RIMBP2: variants seen among roughly 807,000 people sequenced by gnomAD.
RIMBP2 encodes the protein RIMS binding protein 2.
A neutral mutation model predicts 118.6 loss-of-function variants in RIMBP2; 48 were observed. That is an observed-to-expected ratio of 0.40 (90% confidence interval 0.32 to 0.51). The LOEUF (loss-of-function observed/expected upper bound fraction) is 0.51. Among genes scored for constraint, RIMBP2 ranks in the 20% least tolerant of loss-of-function variants. RIMBP2 has a pLI of 0.41. For synonymous variants in RIMBP2, 762 were observed against 742.9 expected, an observed-to-expected ratio of 1.03 and a Z score of -0.42; for missense variants, 1,551 against 1,768.3, an observed-to-expected ratio of 0.88 and a Z score of 2.20.
chr12:130,454,068 A>C (rs2079216553), intron 7 of RIMBP2, among the ~76,000 whole-genome samples: 1 of 152,138 alleles, frequency 6.6e-6, no homozygotes, highest in South Asian at 2.1e-4. Context: ...AACAAAACAC[A>C]AAAAACAAAA....
At chr12:130,538,507 C>T (rs1023797139) in intron 2 of RIMBP2, among the ~76,000 whole-genome samples, 1 of 152,072 alleles carries the variant, frequency 6.6e-6, no homozygotes, top group Non-Finnish European at 1.5e-5. Flanking sequence ...CCCAGCCACC[C>T]GCCCACCTAT....
chr12:130,591,380 G>A (rs1372613831), intron 2 of RIMBP2, among the ~76,000 whole-genome samples: 1 of 152,222 alleles, frequency 6.6e-6, no homozygotes, highest in Non-Finnish European at 1.5e-5. Flanking sequence ...GGGGAGCACG[G>A]CTCCTAGGCA....
chr12:130,604,308 AC>A (rs2060040854), intron 2 of RIMBP2, among the ~76,000 whole-genome samples: 1 of 136,826 alleles, frequency 7.3e-6, no homozygotes, highest in Non-Finnish European at 1.6e-5. Flanking sequence ...AAAAAAAAAA[AC>A]CTCACAGTAA....
intron 2 of RIMBP2, among the ~76,000 whole-genome samples, chr12:130,535,139 C>T (rs1411901643): frequency 6.6e-6 from 1 of 152,042 alleles, no homozygotes; most frequent in East Asian, 1.9e-4. Flanking sequence ...TTTCAGCTTC[C>T]CCCTTAGTGA....
chr12:130,472,683 A>G (rs971270054), intron 5 of RIMBP2, among the ~76,000 whole-genome samples: 4 of 152,204 alleles, frequency 2.6e-5, no homozygotes, highest in African/African-American at 9.6e-5. Context: ...CTCATTCTCA[A>G]AATTCCGTGC....
At chr12:130,467,744 C>G (rs1270702118) in intron 6 of RIMBP2, among the ~76,000 whole-genome samples, 1 of 152,188 alleles carries the variant, frequency 6.6e-6, no homozygotes, top group Non-Finnish European at 1.5e-5. Flanking sequence ...CCAGACCGAA[C>G]CAATGTACAT....
chr12:130,708,981 A>G (rs1040333668), intron 1 of RIMBP2, among the ~76,000 whole-genome samples: 2 of 152,262 alleles, frequency 1.3e-5, no homozygotes, highest in Admixed American at 1.3e-4. Context: ...CTCAAAGACT[A>G]TTGTCTCATC....
chr12:130,451,328 G>A lies in RIMBP2; in HGVS notation c.371C>T (p.Ala124Val). 1 of 1,612,398 alleles carries A rather than the reference G, an allele frequency of 6.2e-7. No homozygotes were observed. Reference sequence around the variant, plus strand: ...ACCGATCGCAGAGCTGCCTCCAATAGCGCTCTCCTGACCTGGCCACGAACA... The same window carrying A: ...ACCGATCGCAGAGCTGCCTCCAATAACGCTCTCCTGACCTGGCCACGAACA... The part of the protein sequence containing the change: ...ATSLGKGQES[A>V]IGGSSAIGEY... Residue 124 changes from alanine (A) to valine (V), a missense_variant, in exon 8 of 23, where the codon GCT (alanine) becomes GTT (valine). Physicochemically the swap from Ala to Val is moderately conservative, Grantham distance 64. This residue lies in a region of RIMBP2 where 239 missense variants were observed against 256.8 expected (regional missense o/e 0.93). Transcript: ENST00000690449.
chr12:130,529,116 T>C (rs537398569), intron 2 of RIMBP2, among the ~76,000 whole-genome samples: 2 of 145,656 alleles, frequency 1.4e-5, no homozygotes, highest in East Asian at 4.0e-4. Flanking sequence ...TTCTTCAGCC[T>C]ACAGAAGGAA....
intron 2 of RIMBP2, among the ~76,000 whole-genome samples, chr12:130,568,464 G>A (rs2057391607): frequency 6.6e-6 from 1 of 152,174 alleles, no homozygotes; most frequent in African/African-American, 2.4e-5. Flanking sequence ...CAGGCCCTGG[G>A]GCCAGTCCCA....
At position 130,525,294 on chromosome 12, in the gene RIMBP2, C is replaced by T. The variant is rs1166626109; in HGVS notation, c.-216-7377G>A. Among the ~76,000 whole-genome samples the T allele has an allele frequency of 5.3e-5, 8 of 152,278 alleles. No homozygotes were observed. The highest frequency in any genetic ancestry group is 1.7e-4 in the African/African-American group (7 of 41,554). On this transcript the variant is annotated intron_variant, in intron 2 of 22. Coordinates refer to ENST00000690449, the MANE Select transcript of RIMBP2 (RefSeq NM_001393629.1). The surrounding 1 kb of genome is among the most constrained non-coding windows in gnomAD (Gnocchi z 4.4). Reference sequence around the variant, plus strand: ...ACTGCCCAGAAGCCAAGCAGCATTGCGGGCATCTCCGTGACCTCCAGGAGA... The same window carrying T: ...ACTGCCCAGAAGCCAAGCAGCATTGTGGGCATCTCCGTGACCTCCAGGAGA...
At chr12:130,476,754 C>G (rs1229805707) in intron 5 of RIMBP2, among the ~76,000 whole-genome samples, 1 of 152,224 alleles carries the variant, frequency 6.6e-6, no homozygotes, top group African/African-American at 2.4e-5. Context: ...ATCATCTGGG[C>G]TTACTCGCTT....
chr12:130,646,190 ACCACTTCCCTCTCCACCTCCCTCT>A lies in RIMBP2; in HGVS notation c.-351-17758_-351-17735del, dbSNP rs2062918871. Among the ~76,000 whole-genome samples the A allele has an allele frequency of 3.5e-4, 11 of 31,440 alleles. 1 individual carries two copies. The highest frequency in any genetic ancestry group is 1.6e-3 in the South Asian group (1 of 608). 20.6% of individuals were successfully genotyped at this position (31,440 alleles called of 152,430 possible). ...CACCACCTGCCTCTCCACCTCCCTC[ACCACTTCCCTCTCCACCTCCCTCT>A]CCACCTCCCTCACCACCTGCCTCTC... On this transcript the variant is annotated intron_variant, in intron 1 of 22. Transcript: ENST00000690449.
chr12:130,696,953 G>A (rs1566464506), intron 1 of RIMBP2, among the ~76,000 whole-genome samples: 1 of 152,170 alleles, frequency 6.6e-6, no homozygotes, highest in Non-Finnish European at 1.5e-5. Flanking sequence ...GTGGCTAAAG[G>A]GAGAGGTGAA....
At chr12:130,535,261 G>A (rs183108422) in intron 2 of RIMBP2, among the ~76,000 whole-genome samples, 30 of 152,098 alleles carry the variant, frequency 2.0e-4, no homozygotes, top group Non-Finnish European at 4.0e-4. Flanking sequence ...TGCTTTGGGA[G>A]TCCGAGATGG....
At chr12:130,595,872 A>G (rs1030983147) in intron 2 of RIMBP2, among the ~76,000 whole-genome samples, 1 of 152,240 alleles carries the variant, frequency 6.6e-6, no homozygotes, top group Non-Finnish European at 1.5e-5. Flanking sequence ...CAAGGAGCTT[A>G]AAGGCGGAAG....
At chr12:130,602,089 T>G (rs1423416525) in intron 2 of RIMBP2, among the ~76,000 whole-genome samples, 13 of 152,170 alleles carry the variant, frequency 8.5e-5, no homozygotes, top group Admixed American at 8.5e-4. Flanking sequence ...ATCTGAGGTC[T>G]GGAGTTCAAA....
intron 1 of RIMBP2, among the ~76,000 whole-genome samples, chr12:130,662,822 G>A (rs989503262): frequency 6.6e-5 from 10 of 151,938 alleles, no homozygotes; most frequent in South Asian, 2.1e-4. Flanking sequence ...TGGGTGTGGC[G>A]GTGCACTCCT....
chr12:130,565,694 G>T (rs917237982), intron 2 of RIMBP2, among the ~76,000 whole-genome samples: 1 of 152,080 alleles, frequency 6.6e-6, no homozygotes, highest in African/African-American at 2.4e-5. Flanking sequence ...TTATTTTGTA[G>T]CTCAGTAACA....
Sources: gnomAD v4.1 joint callset for allele counts (sites outside exome capture counted in the v4.1 genomes callset) on GRCh38, gnomAD v4.1.1 for gene constraint, gnomAD v4.1.1 regional missense constraint, Gnocchi (gnomAD v3.1) non-coding constraint, MANE v1.5 for transcripts, NCBI Gene and HGNC (gene_info 2026-07-23, HGNC 2026-07-21) for gene names.